Variants in RGSL1 observed in about 807,000 individuals in gnomAD.
RGSL1 encodes regulator of G protein signaling protein-like.
RGSL1 carries 97 observed loss-of-function variants against 124.7 expected under a neutral mutation model. The observed-to-expected ratio is 0.78, with a 90% confidence interval of 0.66 to 0.92. RGSL1 has a LOEUF of 0.92. Ranked by LOEUF, RGSL1 falls within the 40% of genes least tolerant of loss-of-function variation. The pLI, the probability that RGSL1 is intolerant of heterozygous loss-of-function variation, is 0.00. For missense variants in RGSL1, 1,233 were observed against 1,288.4 expected (o/e 0.96, Z 0.66); for synonymous variants, 424 against 438.1 (o/e 0.97, Z 0.40).
chr1:182,558,894 C>T (rs1435837753), intron 21 of RGSL1, among the ~76,000 whole-genome samples: 1 of 152,136 alleles, frequency 6.6e-6, no homozygotes, highest in Non-Finnish European at 1.5e-5. Context: ...GTCACACATT[C>T]ACAGATTCTA....
chr1:182,474,137 G>A lies in RGSL1; in HGVS notation c.1026G>A (p.Leu342=). 1 of 1,552,020 alleles carries A rather than the reference G, an allele frequency of 6.4e-7. No individual in the cohort carries two copies. The highest frequency in any genetic ancestry group is 1.7e-4 in the Middle Eastern group (1 of 5,996). Residue 342 remains leucine (L), a synonymous_variant, in exon 6 of 22, where the codon CTG becomes CTA. Coordinates refer to ENST00000294854, the MANE Select transcript of RGSL1 (RefSeq NM_001137669.2). ...TTGAGACAAAGGTCTCTACCCACCT[G>A]AGGACTGTCATCCCCATTGTCAATC... ...APFETKVSTH[L]RTVIPIVNHS...
At chr1:182,524,791 G>A (rs1018215390) in intron 10 of RGSL1, among the ~76,000 whole-genome samples, 4 of 152,180 alleles carry the variant, frequency 2.6e-5, no homozygotes, top group Non-Finnish European at 4.4e-5. Context: ...AAAATTGGGA[G>A]GCCACTATCA....
chr1:182,499,525 T>G (rs951845444), intron 9 of RGSL1, among the ~76,000 whole-genome samples: 1 of 152,242 alleles, frequency 6.6e-6, no homozygotes, highest in African/African-American at 2.4e-5. Flanking sequence ...TCCATTTGCT[T>G]GGTAGATTTT....
rs1334742223 is a variant in RGSL1 at position 182,530,426 on chromosome 1, T to G, written c.2243+65T>G. On this transcript the variant is annotated intron_variant, in intron 12 of 21. Transcript: ENST00000294854. ...TGCTCCTTGGCTTCTGAAAGCCATATGCATCAAGGGTTTCCTAATCCATTT... is the reference window on the plus strand; with the variant it reads ...TGCTCCTTGGCTTCTGAAAGCCATAGGCATCAAGGGTTTCCTAATCCATTT... 19 of 1,233,630 alleles carry G rather than the reference T, an allele frequency of 1.5e-5. No homozygotes were observed. The East Asian group carries it at 4.6e-4, about 30-fold the overall frequency. The allele number at this position is 1,233,630 out of a possible 1,614,324, so 76.4% of individuals were successfully genotyped here. A position where few individuals can be genotyped will look rare whatever the true frequency, so the allele number is the denominator to read the frequency against.
At chr1:182,475,885 C>T (rs1654253574) in intron 6 of RGSL1, among the ~76,000 whole-genome samples, 2 of 152,176 alleles carry the variant, frequency 1.3e-5, no homozygotes, top group East Asian at 1.9e-4. Context: ...CCTTGTAAAG[C>T]ACATTCACAC....
At chr1:182,508,967 G>A (rs1227522441) in intron 9 of RGSL1, among the ~76,000 whole-genome samples, 1 of 51,196 alleles carries the variant, frequency 2.0e-5, no homozygotes, top group Non-Finnish European at 4.1e-5. Flanking sequence ...ACCCTGAGTG[G>A]ACACAGCACA....
rs1303136465 is a variant in RGSL1 at position 182,488,333 on chromosome 1, T to C, written c.1480T>C (p.Phe494Leu). 2.6e-6 allele frequency: 4 copies of C among 1,552,316 alleles called. No individual in the cohort carries two copies. Among genetic ancestry groups the C allele is most frequent in the Non-Finnish European group, 3.5e-6 (4 of 1,147,114 alleles). ...DEFLDEEDYW[F>L]LLFTTQNRFI... ...GTTTCTAGATGAAGAGGACTACTGG[T>C]TTCTCCTTTTTACGGTAGGAAGGAC... The change falls in exon 7 of 22, where the codon TTT becomes CTT. Residue 494 changes from phenylalanine to leucine, a missense_variant. Transcript: ENST00000294854.
chr1:182,520,031 T>C (rs900628723), intron 9 of RGSL1, among the ~76,000 whole-genome samples: 8 of 152,290 alleles, frequency 5.3e-5, no homozygotes, highest in Admixed American at 1.3e-4. Context: ...AGTGCCATTT[T>C]CCCCCCTTGG....
At chr1:182,504,863 T>C (rs1656697059) in intron 9 of RGSL1, among the ~76,000 whole-genome samples, 1 of 152,154 alleles carries the variant, frequency 6.6e-6, no homozygotes, top group Non-Finnish European at 1.5e-5. Flanking sequence ...CTAGACCACT[T>C]ATATAACTCT....
At chr1:182,557,141 A>G (rs541372481) in intron 21 of RGSL1, among the ~76,000 whole-genome samples, 5 of 152,190 alleles carry the variant, frequency 3.3e-5, no homozygotes, top group Admixed American at 6.5e-5. Context: ...ACTCTAGAGG[A>G]GGCTGAAAAA....
chr1:182,502,327 T>C (rs1416060491), intron 9 of RGSL1, among the ~76,000 whole-genome samples: 1 of 152,114 alleles, frequency 6.6e-6, no homozygotes, highest in Non-Finnish European at 1.5e-5. Context: ...ATACCTGTAA[T>C]CCCAGCACTT....
At chr1:182,490,044 A>T (rs1655403473) in intron 8 of RGSL1, among the ~76,000 whole-genome samples, 1 of 152,150 alleles carries the variant, frequency 6.6e-6, no homozygotes, top group Admixed American at 6.5e-5. Flanking sequence ...GTGTGCACAT[A>T]TATATGAAAA....
chr1:182,458,598 T>C (rs1652546862), intron 3 of RGSL1, among the ~76,000 whole-genome samples: 1 of 152,088 alleles, frequency 6.6e-6, no homozygotes, highest in Non-Finnish European at 1.5e-5. Context: ...GCCTCCCAAA[T>C]AGCTGGGACC....
intron 9 of RGSL1, among the ~76,000 whole-genome samples, chr1:182,521,463 A>G (rs1468877666): frequency 6.6e-6 from 1 of 152,234 alleles, no homozygotes; most frequent in Admixed American, 6.5e-5. Context: ...GGTGTGCTAG[A>G]ATATCATTTG....
upstream of RGSL1, chr1:182,447,889 C>T (rs1651576874): frequency 2.0e-5 from 3 of 151,408 alleles, no homozygotes; most frequent in South Asian, 4.2e-4. Flanking sequence ...GAACAGGAGC[C>T]TAAAATGAGC....
At chr1:182,452,985 A>T (rs1651973206) in intron 1 of RGSL1, among the ~76,000 whole-genome samples, 1 of 152,222 alleles carries the variant, frequency 6.6e-6, no homozygotes, top group Non-Finnish European at 1.5e-5. Context: ...TGGGCCATTG[A>T]TAAAACAATT....
chr1:182,465,232 T>C (rs1460591417), intron 4 of RGSL1, among the ~76,000 whole-genome samples: 2 of 152,018 alleles, frequency 1.3e-5, no homozygotes, highest in African/African-American at 4.8e-5. Flanking sequence ...AATCTACTAA[T>C]GCTAAATCAA....
intron 9 of RGSL1, among the ~76,000 whole-genome samples, chr1:182,510,840 A>C (rs1403496662): frequency 6.6e-6 from 1 of 152,164 alleles, no homozygotes; most frequent in East Asian, 1.9e-4. Context: ...ATCCCTTTTC[A>C]GGTGGATAGT....
At chr1:182,459,249 C>G (rs955003643) in intron 3 of RGSL1, among the ~76,000 whole-genome samples, 1 of 152,110 alleles carries the variant, frequency 6.6e-6, no homozygotes, top group Non-Finnish European at 1.5e-5. Context: ...TCTTTATGCC[C>G]TTTTTCTTTT....
Sources: gnomAD v4.1 joint callset for allele counts (sites outside exome capture counted in the v4.1 genomes callset) on GRCh38, gnomAD v4.1.1 for gene constraint, MANE v1.5 for transcripts, NCBI Gene and HGNC (gene_info 2026-07-23, HGNC 2026-07-21) for gene names.